Variants in SEMA5A observed in about 807,000 individuals in gnomAD.
The protein encoded by SEMA5A is semaphorin 5A, also known as semaphorin-5A.
SEMA5A carries 55 observed loss-of-function variants against 135.5 expected under a neutral mutation model. The ratio of observed to expected loss-of-function variants is 0.41; its 90% confidence interval spans 0.33 to 0.51. SEMA5A has a LOEUF of 0.51. Ranked by LOEUF, SEMA5A falls within the 20% of genes least tolerant of loss-of-function variation. The probability of loss-of-function intolerance (pLI) is 0.37; values close to 1 mark genes in which losing one functional copy is unlikely to be tolerated. For synonymous variants in SEMA5A, 580 were observed against 546.5 expected, an observed-to-expected ratio of 1.06 and a Z score of -0.85; for missense variants, 1,290 against 1,419.9, an observed-to-expected ratio of 0.91 and a Z score of 1.47.
rs1156861693 is a variant in SEMA5A at position 9,108,254 on chromosome 5, G to A, written c.1959C>T (p.His653=). The change falls in exon 16 of 23, where the codon CAC becomes CAT. Residue 653 remains histidine (H), a synonymous_variant. Transcript: ENST00000382496. ...YCNEHLLCPP[H]MFWTGWGPWE... The stretch of plus-strand genomic sequence containing the variant: ...AAGGACCCCAGCCTGTCCAGAACAT[G>A]TGTGGGGGACATAGCAAATGTTCAT... The A allele has an allele frequency of 6.2e-7, 1 of 1,614,222 alleles. No individual in the cohort carries two copies. The highest frequency in any genetic ancestry group is 8.5e-7 in the Non-Finnish European group (1 of 1,180,040).
intron 15 of SEMA5A, among the ~76,000 whole-genome samples, chr5:9,110,118 G>T (rs978155665): frequency 2.0e-5 from 3 of 152,150 alleles, no homozygotes; most frequent in Non-Finnish European, 4.4e-5. Flanking sequence ...AGTAAAGCAC[G>T]AAAGATCATT....
chr5:9,301,214 A>G (rs1751596362), intron 5 of SEMA5A, among the ~76,000 whole-genome samples: 1 of 152,228 alleles, frequency 6.6e-6, no homozygotes, highest in African/African-American at 2.4e-5. Flanking sequence ...AAACAGAAGA[A>G]AGTCACACTT....
chr5:9,349,317 C>G (rs985339249), intron 3 of SEMA5A, among the ~76,000 whole-genome samples: 1 of 152,138 alleles, frequency 6.6e-6, no homozygotes, highest in Non-Finnish European at 1.5e-5. Context: ...AATTCATGTA[C>G]GTAGTCAAGT....
chr5:9,207,825 T>C (rs545202713), intron 8 of SEMA5A, among the ~76,000 whole-genome samples: 1 of 152,256 alleles, frequency 6.6e-6, no homozygotes, highest in African/African-American at 2.4e-5. Flanking sequence ...GTTCTTTTCC[T>C]GAGGTTTCTA....
chr5:9,379,139 CA>C (rs1396579505), intron 3 of SEMA5A, among the ~76,000 whole-genome samples: 1 of 152,030 alleles, frequency 6.6e-6, no homozygotes, highest in African/African-American at 2.4e-5. Context: ...GTTTTAAAAA[CA>C]ACAAAATATA....
chr5:9,403,552 A>G (rs542669088), intron 2 of SEMA5A, among the ~76,000 whole-genome samples: 1 of 152,298 alleles, frequency 6.6e-6, no homozygotes, highest in South Asian at 2.1e-4. Flanking sequence ...GTGGGTTGCT[A>G]TAAGGATTGT....
intron 1 of SEMA5A, among the ~76,000 whole-genome samples, chr5:9,532,440 C>CTTTTTTTTTTTT (rs4045370): frequency 5.8e-4 from 72 of 125,086 alleles, no homozygotes; most frequent in East Asian, 1.4e-3. Context: ...TAATTTTTTT[C>CTTTTTTTTTTTT]TTTTTTTTTT....
chr5:9,084,571 T>C (rs1173290275), intron 16 of SEMA5A, among the ~76,000 whole-genome samples: 1 of 152,168 alleles, frequency 6.6e-6, no homozygotes, highest in Non-Finnish European at 1.5e-5. Flanking sequence ...TCTTCTCTTG[T>C]CTCCTGCCAT....
chr5:9,049,550 C>T (rs1736454982), intron 21 of SEMA5A, among the ~76,000 whole-genome samples: 2 of 152,228 alleles, frequency 1.3e-5, no homozygotes, highest in Admixed American at 1.3e-4. Flanking sequence ...CTTCAGGTTC[C>T]ATGTGAACAT....
chr5:9,524,392 A>G (rs1009291851), intron 1 of SEMA5A, among the ~76,000 whole-genome samples: 1 of 152,216 alleles, frequency 6.6e-6, no homozygotes, highest in Admixed American at 6.5e-5. Context: ...AAACGGCCAC[A>G]TGAAGGCAGA....
intron 8 of SEMA5A, among the ~76,000 whole-genome samples, chr5:9,210,315 G>C (rs1000661429): frequency 1.3e-5 from 2 of 152,168 alleles, no homozygotes; most frequent in African/African-American, 2.4e-5. Context: ...TCGATGTACA[G>C]GATGGAGCAA....
chr5:9,233,815 C>T (rs1002799370), intron 6 of SEMA5A, among the ~76,000 whole-genome samples: 5 of 152,136 alleles, frequency 3.3e-5, no homozygotes, highest in African/African-American at 1.2e-4. Context: ...AGGCAGTGTC[C>T]TCCCTGCACA....
At chr5:9,284,034 A>G (rs1290091017) in intron 5 of SEMA5A, among the ~76,000 whole-genome samples, 2 of 152,204 alleles carry the variant, frequency 1.3e-5, no homozygotes, top group African/African-American at 2.4e-5. Flanking sequence ...TAGATAACAG[A>G]TGATAAATAA....
chr5:9,139,208 C>G (rs1741929777), intron 12 of SEMA5A, among the ~76,000 whole-genome samples: 1 of 152,310 alleles, frequency 6.6e-6, no homozygotes, highest in South Asian at 2.1e-4. Flanking sequence ...AGTTTACATT[C>G]CCACCAGCAG....
chr5:9,195,332 AT>A (rs1271618675), intron 10 of SEMA5A, among the ~76,000 whole-genome samples: 3 of 151,764 alleles, frequency 2.0e-5, no homozygotes, highest in Admixed American at 6.6e-5. Context: ...TGCCTGGCTA[AT>A]TTTTTTTATT....
Position 9,441,133 on chromosome 5 carries a change from T to C in SEMA5A, c.-174-3281A>G, listed in dbSNP as rs549797441. The stretch of plus-strand genomic sequence containing the variant: ...AGCACAGCCCCATGGCCACACATGG[T>C]GGATGCTTAGAAGACAAAACAAGAA... On this transcript the variant is annotated intron_variant, in intron 1 of 22. Transcript: ENST00000382496. Among the ~76,000 whole-genome samples the C allele has an allele frequency of 2.0e-5, 3 of 152,246 alleles. No homozygotes were observed. The East Asian group carries it at 5.8e-4, about 30-fold the overall frequency.
At position 9,257,131 on chromosome 5, in the gene SEMA5A, TTGAG is replaced by T. The variant is rs368217185; in HGVS notation, c.271-19245_271-19242del. 2.2e-3 allele frequency among the ~76,000 whole-genome samples: 331 copies of T among 152,334 alleles called. 4 individuals are homozygous for T. The highest frequency in any genetic ancestry group is 7.6e-3 in the African/African-American group (316 of 41,588). On this transcript the variant is annotated intron_variant, in intron 5 of 22. Transcript: ENST00000382496. ...TGGCATGGAGGAATTTGCTGGTACA[TTGAG>T]TGAGTGTGGCTTAACTGGGGCGGTG...
At chr5:9,431,753 T>A (rs1398650815) in intron 2 of SEMA5A, among the ~76,000 whole-genome samples, 5 of 152,156 alleles carry the variant, frequency 3.3e-5, no homozygotes, top group African/African-American at 1.2e-4. Context: ...GAGGGCAGTA[T>A]CCTTACGTGC....
At chr5:9,289,482 G>A (rs370932212) in intron 5 of SEMA5A, among the ~76,000 whole-genome samples, 30 of 151,724 alleles carry the variant, frequency 2.0e-4, no homozygotes, top group Non-Finnish European at 2.1e-4. Context: ...TGGCTGACAC[G>A]GTGAAACCCC....
Sources: gnomAD v4.1 joint callset for allele counts (sites outside exome capture counted in the v4.1 genomes callset) on GRCh38, gnomAD v4.1.1 for gene constraint, MANE v1.5 for transcripts, NCBI Gene and HGNC (gene_info 2026-07-23, HGNC 2026-07-21) for gene names.